The following TAF3 variants were observed in gnomAD, a reference collection of about 807,000 sequenced individuals.
TAF3 encodes TATA-box binding protein associated factor 3, also known as transcription initiation factor TFIID subunit 3.
Under a neutral mutation model 80.6 loss-of-function variants are expected in TAF3, and 7 were observed. That is an observed-to-expected ratio of 0.09 (90% CI 0.05 to 0.16). TAF3 has a LOEUF of 0.16. TAF3 is among the 10% of genes least tolerant of loss of function. The probability of loss-of-function intolerance (pLI) is 1.00; values close to 1 mark genes in which losing one functional copy is unlikely to be tolerated. For synonymous variants in TAF3, 444 were observed against 446.1 expected (o/e 1.00, Z 0.06); for missense variants, 921 against 1,140.2 (o/e 0.81, Z 2.77).
At chr10:7,912,929 C>T (rs912339318) in intron 2 of TAF3, among the ~76,000 whole-genome samples, 3 of 152,116 alleles carry the variant, frequency 2.0e-5, no homozygotes, top group Admixed American at 6.5e-5. Flanking sequence ...TCACAAAATG[C>T]CACAGACTGG....
At chr10:7,951,062 A>G (rs1434821536) in intron 2 of TAF3, among the ~76,000 whole-genome samples, 1 of 152,256 alleles carries the variant, frequency 6.6e-6, no homozygotes, top group Admixed American at 6.5e-5. Context: ...AAACAAGGGT[A>G]TGCATCGATT....
intron 3 of TAF3, among the ~76,000 whole-genome samples, chr10:7,974,164 A>G (rs1042375343): frequency 6.6e-6 from 1 of 151,628 alleles, no homozygotes; most frequent in Non-Finnish European, 1.5e-5. Flanking sequence ...ACACACACAC[A>G]CACACACAAA....
intron 2 of TAF3, among the ~76,000 whole-genome samples, chr10:7,945,041 A>G (rs1036214924): frequency 2.0e-5 from 3 of 152,106 alleles, no homozygotes; most frequent in Non-Finnish European, 4.4e-5. Context: ...TGTAGTTGTA[A>G]TTTTTTACTC....
rs1218836662 is a variant in TAF3 at position 7,863,626 on chromosome 10, A to AAAATATATAT, written c.409+39067_409+39068insAATATATATA. On this transcript the variant is annotated intron_variant, in intron 2 of 6. Coordinates refer to ENST00000344293, the MANE Select transcript of TAF3 (RefSeq NM_031923.4). Reference sequence around the variant, plus strand: ...CTCTGTCTAAAAAAAAAAAAAAAAAAATATATATATATATATATATACACA... The same window carrying AAAATATATAT: ...CTCTGTCTAAAAAAAAAAAAAAAAAAAAATATATATATATATATATATATATATATACACA... Among the ~76,000 whole-genome samples the AAAATATATAT allele has an allele frequency of 6.2e-5, 3 of 48,098 alleles. 1 individual carries two copies. Among genetic ancestry groups the AAAATATATAT allele is most frequent in the South Asian group, 1.9e-3 (2 of 1,034 alleles). The allele number at this position is 48,098 out of a possible 152,430, so 31.6% of individuals were successfully genotyped here.
In TAF3 at chr10:8,015,576, T is replaced by A. The variant is rs1252657479; in HGVS notation, c.*825T>A. On this transcript the variant is annotated 3_prime_UTR_variant, in exon 7 of 7. Coordinates refer to ENST00000344293, the MANE Select transcript of TAF3 (RefSeq NM_031923.4). ...TTTAAATTTTTATCGTGTTTAATTCTGGCTTTCTCTGAAATCCACTGTGAT... is the reference window on the plus strand; with the variant it reads ...TTTAAATTTTTATCGTGTTTAATTCAGGCTTTCTCTGAAATCCACTGTGAT... 1 of 152,162 alleles carries A rather than the reference T, an allele frequency of 6.6e-6. No homozygotes were observed. The highest frequency in any genetic ancestry group is 2.4e-5 in the African/African-American group (1 of 41,442). The allele number at this position is 152,162 out of a possible 1,614,324, so 9.4% of individuals were successfully genotyped here.
intron 1 of TAF3, 50 bp downstream of exon 1, chr10:7,818,925 A>G: frequency 7.4e-7 from 1 of 1,355,162 alleles, no homozygotes; most frequent in Non-Finnish European, 9.5e-7. Flanking sequence ...GTCAAGGGTG[A>G]CACCTTCGCT....
Position 8,006,710 on chromosome 10 carries a change from T to G in TAF3, c.2316-2368T>G, listed in dbSNP as rs372087205. 8.7e-4 allele frequency among the ~76,000 whole-genome samples: 132 copies of G among 152,342 alleles called. 1 individual carries two copies. In the South Asian group the frequency reaches 0.027, roughly 31 times the overall value. On this transcript the variant is annotated intron_variant, in intron 4 of 6. Transcript: ENST00000344293. ...ATGTTTTATGAATTTATGATCAGAA[T>G]AGCAAAGAGTCAGTGCCTTTTGGTG... is the stretch of plus-strand genomic sequence containing the variant.
chr10:7,977,261 T>C lies in TAF3; in HGVS notation c.2253T>C (p.Ala751=), dbSNP rs773327680. The change falls in exon 4 of 7, where the codon GCT becomes GCC. Residue 751 remains alanine, a synonymous_variant. Coordinates refer to ENST00000344293, the MANE Select transcript of TAF3 (RefSeq NM_031923.4). ...KHEKIKVEPV[A]LAPSPVIPRL... The stretch of plus-strand genomic sequence containing the variant: ...CACAGATAAAAGTGGAACCAGTCGC[T>C]CTGGCCCCGAGTCCAGTTATCCCCA... 1 of 1,614,170 alleles carries C rather than the reference T, an allele frequency of 6.2e-7. No homozygotes were observed. The highest frequency in any genetic ancestry group is 1.7e-5 in the Admixed American group (1 of 60,016).
intron 4 of TAF3, among the ~76,000 whole-genome samples, chr10:7,991,121 C>T (rs1304285364): frequency 6.6e-6 from 1 of 152,006 alleles, no homozygotes; most frequent in Non-Finnish European, 1.5e-5. Context: ...GTCGTCTCGT[C>T]TTGCCTCAGA....
At chr10:7,952,547 G>A (rs1180629999) in intron 2 of TAF3, among the ~76,000 whole-genome samples, 1 of 152,188 alleles carries the variant, frequency 6.6e-6, no homozygotes, top group Non-Finnish European at 1.5e-5. Context: ...GCAGTTATGT[G>A]ATACAACAGT....
At position 7,954,209 on chromosome 10, in the gene TAF3, T is replaced by C. The variant is rs1838112367; in HGVS notation, c.410-9711T>C. Reference sequence around the variant, plus strand: ...ATATGAATGAGTGGATTAGTCCTAGTTAACACAGAGCTCTTCCTAGTGAGA... The same window carrying C: ...ATATGAATGAGTGGATTAGTCCTAGCTAACACAGAGCTCTTCCTAGTGAGA... On this transcript the variant is annotated intron_variant, in intron 2 of 6. Coordinates refer to ENST00000344293, the MANE Select transcript of TAF3 (RefSeq NM_031923.4). Among the ~76,000 whole-genome samples, 2 of 138,666 alleles carry C rather than the reference T, an allele frequency of 1.4e-5. 1 individual carries two copies. Among genetic ancestry groups the C allele is most frequent in the African/African-American group, 5.2e-5 (2 of 38,632 alleles). The allele number at this position is 138,666 out of a possible 152,430, so 91.0% of individuals were successfully genotyped here. A position where few individuals can be genotyped will look rare whatever the true frequency, so the allele number is the denominator to read the frequency against.
chr10:7,991,866 T>C (rs1211712669), intron 4 of TAF3, among the ~76,000 whole-genome samples: 2 of 152,226 alleles, frequency 1.3e-5, no homozygotes, highest in East Asian at 1.9e-4. Flanking sequence ...CTGAATTTTA[T>C]AACTCTCCAG....
intron 4 of TAF3, among the ~76,000 whole-genome samples, chr10:7,993,392 T>A (rs1831853051): frequency 6.6e-6 from 1 of 152,176 alleles, no homozygotes. Flanking sequence ...TTGCCCAGGA[T>A]GGTCTCAAAC....
chr10:7,836,553 C>T (rs761866685), intron 2 of TAF3, among the ~76,000 whole-genome samples: 1 of 152,062 alleles, frequency 6.6e-6, no homozygotes, highest in African/African-American at 2.4e-5. Context: ...GGATTACAGG[C>T]GTGAGCCACT....
intron 4 of TAF3, among the ~76,000 whole-genome samples, chr10:7,987,181 G>C (rs1297571208): frequency 6.6e-6 from 1 of 152,130 alleles, no homozygotes; most frequent in Non-Finnish European, 1.5e-5. Context: ...AATTAGCCAG[G>C]TATGGTGGCA....
chr10:7,966,674 A>G (rs1272592565), intron 3 of TAF3, among the ~76,000 whole-genome samples: 1 of 152,216 alleles, frequency 6.6e-6, no homozygotes, highest in African/African-American at 2.4e-5. Flanking sequence ...CCACAAAATA[A>G]TACCCAGTAG....
chr10:7,824,241 C>T (rs1836719132), intron 1 of TAF3, 77 bp from the exon 2 acceptor site: 2 of 1,491,766 alleles, frequency 1.3e-6, no homozygotes, highest in Non-Finnish European at 1.8e-6. Flanking sequence ...TATTTACTTA[C>T]TACTTTTTCT....
chr10:7,860,200 A>G (rs1837129863), intron 2 of TAF3, among the ~76,000 whole-genome samples: 1 of 151,604 alleles, frequency 6.6e-6, no homozygotes, highest in South Asian at 2.1e-4. Flanking sequence ...GAAGCCTGGG[A>G]GGCAGAGGTT....
chr10:7,872,568 A>G (rs1241636895), intron 2 of TAF3, among the ~76,000 whole-genome samples: 2 of 152,240 alleles, frequency 1.3e-5, no homozygotes, highest in African/African-American at 2.4e-5. Context: ...TCCTGGTTCT[A>G]TCTTGAGAAA....
Sources: allele counts gnomAD v4.1 joint callset (sites outside exome capture counted in the v4.1 genomes callset), GRCh38; gene constraint gnomAD v4.1.1; transcripts MANE v1.5; gene names NCBI Gene and HGNC (gene_info 2026-07-23, HGNC 2026-07-21).